The following GRM7 variants were observed in gnomAD, a reference collection of about 807,000 sequenced individuals.
The protein encoded by GRM7 is glutamate metabotropic receptor 7.
In GRM7, 35 loss-of-function variants were observed where a neutral mutation model predicts 84.5. The ratio of observed to expected loss-of-function variants is 0.41; its 90% CI spans 0.32 to 0.55. GRM7 has a LOEUF of 0.55. GRM7 is among the 20% of genes least tolerant of loss of function. The pLI, the probability that GRM7 is intolerant of heterozygous loss-of-function variation, is 0.19. For synonymous variants in GRM7, 487 were observed against 455.1 expected, an observed-to-expected ratio of 1.07 and a Z score of -0.89; for missense variants, 1,003 against 1,194.6, an observed-to-expected ratio of 0.84 and a Z score of 2.36.
At chr3:7,208,494 A>G (rs182332453) in intron 2 of GRM7, among the ~76,000 whole-genome samples, 105 of 152,286 alleles carry the variant, frequency 6.9e-4, no homozygotes, top group Non-Finnish European at 1.3e-3. Flanking sequence ...TAAAAAATCT[A>G]TATTGAGCCC....
At chr3:6,991,594 C>T (rs909612091) in intron 1 of GRM7, among the ~76,000 whole-genome samples, 5 of 152,086 alleles carry the variant, frequency 3.3e-5, no homozygotes, top group African/African-American at 1.2e-4. Context: ...TCATACCCCA[C>T]AAGCCAAGAG....
At chr3:7,495,260 G>A (rs1699660082) in intron 7 of GRM7, among the ~76,000 whole-genome samples, 1 of 152,136 alleles carries the variant, frequency 6.6e-6, no homozygotes, top group East Asian at 1.9e-4. Flanking sequence ...GAGAAGAGCA[G>A]TTTCCCAGGT....
chr3:7,703,460 G>A (rs1457573202), intron 9 of GRM7, among the ~76,000 whole-genome samples: 1 of 151,572 alleles, frequency 6.6e-6, no homozygotes, highest in African/African-American at 2.4e-5. Flanking sequence ...TTAATCTGGT[G>A]GATGGCCTAC....
intron 4 of GRM7, among the ~76,000 whole-genome samples, chr3:7,339,896 A>G (rs900714080): frequency 1.3e-5 from 2 of 152,078 alleles, no homozygotes; most frequent in African/African-American, 2.4e-5. Context: ...AGAGAGCAGA[A>G]GAAGAAAAAT....
chr3:7,511,784 T>G (rs1311140998), intron 7 of GRM7, among the ~76,000 whole-genome samples: 1 of 152,176 alleles, frequency 6.6e-6, no homozygotes, highest in Non-Finnish European at 1.5e-5. Flanking sequence ...ACAGGATGTC[T>G]TGGTATCATA....
chr3:7,307,701 T>G (rs142849981), intron 4 of GRM7, among the ~76,000 whole-genome samples: 15 of 152,324 alleles, frequency 9.8e-5, no homozygotes, highest in African/African-American at 3.4e-4. Flanking sequence ...CAGAAAAGAT[T>G]GCCTATCTTA....
chr3:6,894,511 T>C (rs1297930353), intron 1 of GRM7, among the ~76,000 whole-genome samples: 1 of 152,162 alleles, frequency 6.6e-6, no homozygotes, highest in Non-Finnish European at 1.5e-5. Flanking sequence ...AAATTAATTG[T>C]AATATATACA....
intron 1 of GRM7, among the ~76,000 whole-genome samples, chr3:7,020,267 A>G (rs953732621): frequency 6.6e-6 from 1 of 152,250 alleles, no homozygotes; most frequent in Non-Finnish European, 1.5e-5. Context: ...AAGCCTGTAT[A>G]CTGTATGATT....
chr3:7,534,496 T>C (rs1212962439), intron 7 of GRM7, among the ~76,000 whole-genome samples: 1 of 152,196 alleles, frequency 6.6e-6, no homozygotes, highest in African/African-American at 2.4e-5. Context: ...CCATATCTTG[T>C]GTTTTTAACC....
chr3:6,870,675 C>T (rs1294430156), intron 1 of GRM7, among the ~76,000 whole-genome samples: 1 of 151,938 alleles, frequency 6.6e-6, no homozygotes, highest in African/African-American at 2.4e-5. Flanking sequence ...CAGGTAAGAT[C>T]GATGGTTTGG....
chr3:7,203,706 C>A (rs1696142251), intron 2 of GRM7, among the ~76,000 whole-genome samples: 1 of 152,010 alleles, frequency 6.6e-6, no homozygotes, highest in African/African-American at 2.4e-5. Context: ...ACTTATATTC[C>A]CACGAAATGT....
intron 1 of GRM7, among the ~76,000 whole-genome samples, chr3:6,953,282 A>G (rs886083760): frequency 6.6e-6 from 1 of 152,190 alleles, no homozygotes; most frequent in Admixed American, 6.5e-5. Context: ...ATTGTTCTCC[A>G]TCACCTAAAC....
intron 4 of GRM7, among the ~76,000 whole-genome samples, chr3:7,327,808 A>G (rs1701045040): frequency 6.6e-6 from 1 of 152,228 alleles, no homozygotes; most frequent in African/African-American, 2.4e-5. Flanking sequence ...ATCCTGATGT[A>G]TAATCAAAGC....
Position 7,146,527 on chromosome 3 carries a change from G to C in GRM7, c.595G>C (p.Val199Leu). ...GCGCTATGACTTCTTCTCTCGCGTG[G>C]TGCCACCCGATTCCTTCCAAGCCCA... ...DRRYDFFSRVVPPDSFQAQAM... is the reference protein window; with the variant it reads ...DRRYDFFSRVLPPDSFQAQAM... The change falls in exon 2 of 10, where the codon GTG (valine) becomes CTG (leucine). Residue 199 changes from valine (V) to leucine (L), a missense_variant. By Grantham distance (32) the Val-to-Leu change is conservative. Around this residue, in one of 2 missense-constraint regions of GRM7, gnomAD observed 910 missense variants for 1,126.0 expected, o/e 0.81. Coordinates refer to ENST00000357716, the MANE Select transcript of GRM7 (RefSeq NM_000844.4). 6.2e-7 allele frequency: 1 copy of C among 1,614,014 alleles called. No individual in the cohort carries two copies. Among genetic ancestry groups the C allele is most frequent in the South Asian group, 1.1e-5 (1 of 91,078 alleles).
In GRM7 at chr3:7,479,594, A is replaced by G. The variant is rs369055982; in HGVS notation, c.1515+17872A>G. On this transcript the variant is annotated intron_variant, in intron 7 of 9. Transcript: ENST00000357716. ...TATATATTGATGAACAATAAGTGAA[A>G]AGAGTTAACTTTTTAATCACTCACT... 1.3e-3 allele frequency among the ~76,000 whole-genome samples: 201 copies of G among 152,290 alleles called. 4 individuals carry two copies. In the South Asian group the frequency reaches 0.037, roughly 28 times the overall value.
chr3:6,918,979 A>G (rs1308234566), intron 1 of GRM7, among the ~76,000 whole-genome samples: 2 of 152,178 alleles, frequency 1.3e-5, no homozygotes, highest in Non-Finnish European at 2.9e-5. Context: ...ACATATGAGT[A>G]TGTTTGTAAA....
intron 9 of GRM7, among the ~76,000 whole-genome samples, chr3:7,732,737 C>A (rs529351763): frequency 1.3e-5 from 2 of 152,270 alleles, no homozygotes; most frequent in South Asian, 4.2e-4. Context: ...GTTACTGAAC[C>A]ACACTGGTAC....
intron 8 of GRM7, among the ~76,000 whole-genome samples, chr3:7,625,991 T>G (rs762179802): frequency 6.6e-6 from 1 of 152,154 alleles, no homozygotes; most frequent in Non-Finnish European, 1.5e-5. Context: ...ATTGTCCTTA[T>G]AGCTGAGAAA....
intron 1 of GRM7, among the ~76,000 whole-genome samples, chr3:7,008,387 A>G (rs1695254338): frequency 6.6e-6 from 1 of 152,200 alleles, no homozygotes; most frequent in Non-Finnish European, 1.5e-5. Flanking sequence ...AACACTCATA[A>G]CTGATGGAAA....
Sources: allele counts gnomAD v4.1 joint callset (sites outside exome capture counted in the v4.1 genomes callset), GRCh38; gene constraint gnomAD v4.1.1; regional missense constraint gnomAD v4.1.1; transcripts MANE v1.5; gene names NCBI Gene and HGNC (gene_info 2026-07-23, HGNC 2026-07-21).